PCBP3: variants seen among roughly 807,000 people sequenced by gnomAD.
The protein encoded by PCBP3 is poly(rC) binding protein 3, also known as poly(rC)-binding protein 3.
PCBP3 carries 25 observed loss-of-function variants against 52.7 expected under a neutral mutation model. The ratio of observed to expected loss-of-function variants is 0.47; its 90% CI spans 0.35 to 0.66. The LOEUF (loss-of-function observed/expected upper bound fraction) is 0.66. Ranked by LOEUF, PCBP3 falls within the 30% of genes least tolerant of loss-of-function variation. PCBP3 has a pLI of 0.01. For missense variants in PCBP3, 391 were observed against 490.3 expected (o/e 0.80, Z 1.91); for synonymous variants, 162 against 183.0 (o/e 0.89, Z 0.93).
intron 2 of PCBP3, among the ~76,000 whole-genome samples, chr21:45,680,019 T>C (rs1233435078): frequency 6.6e-6 from 1 of 152,222 alleles, no homozygotes; most frequent in African/African-American, 2.4e-5. Flanking sequence ...CCAAAATCAT[T>C]TGGGCACCTT....
intron 5 of PCBP3, among the ~76,000 whole-genome samples, chr21:45,859,360 TGA>T (rs1449534103): frequency 6.8e-6 from 1 of 147,628 alleles, no homozygotes; most frequent in Admixed American, 6.8e-5. Flanking sequence ...GAGGGTTCTC[TGA>T]GAGAGAATTG....
rs192306790 is a variant in PCBP3 at position 45,831,685 on chromosome 21, A to G, written c.-125-18276A>G. 5.3e-4 allele frequency among the ~76,000 whole-genome samples: 80 copies of G among 151,522 alleles called. 1 individual carries two copies. In the East Asian group the frequency reaches 0.015, roughly 28 times the overall value. On this transcript the variant is annotated intron_variant, in intron 4 of 17. Transcript: ENST00000681687. ...CTCACACAAGAAAGAATTCAGGGCA[A>G]GTCCATAAAGTGAAAGCAAGTTAGT...
intron 5 of PCBP3, among the ~76,000 whole-genome samples, chr21:45,877,111 C>T (rs541011378): frequency 2.6e-5 from 4 of 152,392 alleles, no homozygotes; most frequent in African/African-American, 7.2e-5. Context: ...TCACATGACA[C>T]TTTCAAACGT....
At chr21:45,648,392 ACCT>A (rs1478628437) in intron 1 of PCBP3, among the ~76,000 whole-genome samples, 1 of 152,048 alleles carries the variant, frequency 6.6e-6, no homozygotes, top group Admixed American at 6.6e-5. Context: ...TCTCTATTTC[ACCT>A]CCTAGGTAAG....
intron 2 of PCBP3, among the ~76,000 whole-genome samples, chr21:45,731,224 A>G (rs1380884745): frequency 6.6e-6 from 1 of 152,182 alleles, no homozygotes; most frequent in Non-Finnish European, 1.5e-5. Flanking sequence ...CAATAGTACA[A>G]TGAGCTCAAC....
chr21:45,781,390 G>C (rs572474916), intron 4 of PCBP3, among the ~76,000 whole-genome samples: 1 of 152,314 alleles, frequency 6.6e-6, no homozygotes, highest in South Asian at 2.1e-4. Flanking sequence ...GAAGACATGT[G>C]ACTGGCATAT....
chr21:45,793,146 G>A (rs535540501), intron 4 of PCBP3, among the ~76,000 whole-genome samples: 4 of 152,188 alleles, frequency 2.6e-5, no homozygotes, highest in East Asian at 3.9e-4. Flanking sequence ...ACGTGGGGCC[G>A]CCTTCCGGAC....
At chr21:45,878,517 C>G (rs777301678) in intron 5 of PCBP3, among the ~76,000 whole-genome samples, 4 of 152,236 alleles carry the variant, frequency 2.6e-5, no homozygotes, top group African/African-American at 4.8e-5. Context: ...ACAGACAGTA[C>G]AGCAAAGGCT....
In PCBP3 at chr21:45,735,293, T is replaced by C. The variant is rs759310906; in HGVS notation, c.-199-99T>C. ...TTTTTAATAGATGACTTTGGTTTGA[T>C]AAAATTTGGTATCTAAGGTGATAGA... On this transcript the variant is annotated intron_variant, in intron 2 of 17. Transcript: ENST00000681687. This position sits in a 1 kb window ranked among gnomAD's most constrained non-coding sequence, Gnocchi z 4.0. 1.3e-5 allele frequency: 2 copies of C among 152,246 alleles called. No homozygotes were observed. The highest frequency in any genetic ancestry group is 2.9e-5 in the Non-Finnish European group (2 of 68,042). The allele number at this position is 152,246 out of a possible 1,614,324, so 9.4% of individuals were successfully genotyped here. A position where few individuals can be genotyped will look rare whatever the true frequency, so the allele number is the denominator to read the frequency against.
chr21:45,923,536 T>C (rs1028677972), intron 13 of PCBP3, among the ~76,000 whole-genome samples: 1 of 152,062 alleles, frequency 6.6e-6, no homozygotes, highest in African/African-American at 2.4e-5. Flanking sequence ...CTTGCCCTTC[T>C]CAGAACGAGA....
chr21:45,891,467 G>A (rs1360781346), intron 5 of PCBP3, among the ~76,000 whole-genome samples: 3 of 152,212 alleles, frequency 2.0e-5, no homozygotes, highest in Non-Finnish European at 4.4e-5. Context: ...TAAATACTAA[G>A]AGAAGCCAGA....
intron 1 of PCBP3, among the ~76,000 whole-genome samples, chr21:45,665,608 C>T (rs1402984140): frequency 3.9e-5 from 6 of 152,032 alleles, no homozygotes; most frequent in Non-Finnish European, 5.9e-5. Context: ...TAACAAGTAG[C>T]GAGATTGAAT....
Position 45,704,171 on chromosome 21 carries a change from C to T in PCBP3, c.-199-31221C>T, listed in dbSNP as rs566555237. Among the ~76,000 whole-genome samples the T allele has an allele frequency of 1.8e-4, 27 of 152,260 alleles. No homozygotes were observed. In the South Asian group the frequency reaches 2.9e-3, roughly 16 times the overall value. On this transcript the variant is annotated intron_variant, in intron 2 of 17. Coordinates refer to ENST00000681687, the MANE Select transcript of PCBP3 (RefSeq NM_001384156.1). This position sits in a 1 kb window ranked among gnomAD's most constrained non-coding sequence, Gnocchi z 4.1. Reference sequence around the variant, plus strand: ...GGAAAGCCAAGGGGCACTGCCCAGCCGCTGAGTGGGTGGTGGTGAAGGTCA... The same window carrying T: ...GGAAAGCCAAGGGGCACTGCCCAGCTGCTGAGTGGGTGGTGGTGAAGGTCA...
chr21:45,885,442 G>A (rs1490841358), intron 5 of PCBP3, among the ~76,000 whole-genome samples: 2 of 152,100 alleles, frequency 1.3e-5, no homozygotes, highest in African/African-American at 4.8e-5. Flanking sequence ...TGCCAAATTT[G>A]GGAAGTTTTA....
At chr21:45,890,963 T>C (rs369269933) in intron 5 of PCBP3, among the ~76,000 whole-genome samples, 2 of 143,024 alleles carry the variant, frequency 1.4e-5, no homozygotes, top group African/African-American at 5.1e-5. Context: ...TAATAGAACC[T>C]GGAACTCTGC....
At chr21:45,729,034 C>T (rs951491910) in intron 2 of PCBP3, among the ~76,000 whole-genome samples, 4 of 152,138 alleles carry the variant, frequency 2.6e-5, no homozygotes, top group East Asian at 1.9e-4. Context: ...TTTGTTACCA[C>T]GAAGGAATAC....
At chr21:45,896,592 C>G (rs1332633946) in intron 6 of PCBP3, among the ~76,000 whole-genome samples, 1 of 149,924 alleles carries the variant, frequency 6.7e-6, no homozygotes, top group Non-Finnish European at 1.5e-5. Context: ...GCACATAGAA[C>G]TGGAGACGCA....
intron 2 of PCBP3, among the ~76,000 whole-genome samples, chr21:45,707,739 G>C (rs760485449): frequency 6.6e-6 from 1 of 152,170 alleles, no homozygotes; most frequent in Non-Finnish European, 1.5e-5. Flanking sequence ...CCAAATAGTG[G>C]AGGTGATAGT....
In PCBP3 at chr21:45,888,662, G is replaced by A. The variant is rs546078725; in HGVS notation, c.11-7546G>A. On this transcript the variant is annotated intron_variant, in intron 5 of 17. Coordinates refer to ENST00000681687, the MANE Select transcript of PCBP3 (RefSeq NM_001384156.1). ...GTGCAGCTTCAGTGCTTTTAGACCC[G>A]CAATTGGAGCTGAATTCTTAAATCC... is the stretch of plus-strand genomic sequence containing the variant. Among the ~76,000 whole-genome samples, 6 of 152,380 alleles carry A rather than the reference G, an allele frequency of 3.9e-5. No individual in the cohort carries two copies. In the East Asian group the frequency reaches 5.8e-4, roughly 15 times the overall value.
Sources: allele counts gnomAD v4.1 joint callset (sites outside exome capture counted in the v4.1 genomes callset), GRCh38; gene constraint gnomAD v4.1.1; non-coding constraint Gnocchi (gnomAD v3.1); transcripts MANE v1.5; gene names NCBI Gene and HGNC (gene_info 2026-07-23, HGNC 2026-07-21).